The following GPT2 variants were observed in gnomAD, a reference collection of about 807,000 sequenced individuals.
GPT2 encodes the protein glutamic--pyruvic transaminase 2.
GPT2 carries 30 observed loss-of-function variants against 56.9 expected under a neutral mutation model. The observed-to-expected ratio is 0.53, with a 90% CI of 0.39 to 0.72. The LOEUF is 0.72. GPT2 is among the 30% of genes least tolerant of loss of function. GPT2 has a pLI of 0.00. For missense variants in GPT2, 542 were observed against 703.4 expected (o/e 0.77, Z 2.60); for synonymous variants, 271 against 283.1 (o/e 0.96, Z 0.43).
intron 4 of GPT2, among the ~76,000 whole-genome samples, chr16:46,904,597 G>A (rs1274385902): frequency 6.6e-6 from 1 of 152,144 alleles, no homozygotes; most frequent in Non-Finnish European, 1.5e-5. Flanking sequence ...TCCTTGGAAG[G>A]GTAGAAAGTC....
intron 7 of GPT2, among the ~76,000 whole-genome samples, chr16:46,918,374 T>TG (rs1961213828): frequency 6.6e-6 from 1 of 152,104 alleles, no homozygotes; most frequent in African/African-American, 2.4e-5. Flanking sequence ...GGGGATTGGG[T>TG]GGGGACGAGT....
intron 2 of GPT2, among the ~76,000 whole-genome samples, chr16:46,891,119 C>T (rs550795890): frequency 1.4e-4 from 21 of 152,262 alleles, no homozygotes; most frequent in African/African-American, 4.3e-4. Flanking sequence ...GTGATCCACC[C>T]GCCATGGCCT....
intron 6 of GPT2, 133 bp from the exon 7 acceptor site, chr16:46,916,495 G>A: frequency 1.4e-6 from 1 of 715,010 alleles, no homozygotes; most frequent in Admixed American, 1.9e-5. Flanking sequence ...GGGGAGGGGG[G>A]CCTCTGCGGG....
intron 11 of GPT2, 112 bp downstream of exon 11, chr16:46,927,149 C>A: frequency 3.3e-6 from 2 of 614,602 alleles, no homozygotes; most frequent in Non-Finnish European, 2.8e-6. Context: ...GAGACCCTGT[C>A]CTCTCTCGAG....
At chr16:46,927,785 C>T (rs975857108) in intron 11 of GPT2, among the ~76,000 whole-genome samples, 6 of 152,154 alleles carry the variant, frequency 3.9e-5, no homozygotes, top group South Asian at 4.2e-4. Flanking sequence ...AGGCTCATCT[C>T]GGTGGTTGAT....
intron 2 of GPT2, among the ~76,000 whole-genome samples, chr16:46,888,255 G>A (rs1043020536): frequency 1.3e-5 from 2 of 152,244 alleles, no homozygotes; most frequent in Non-Finnish European, 2.9e-5. Flanking sequence ...AAGGCACATG[G>A]CTATAGTTAG....
Position 46,906,103 on chromosome 16 carries a change from CAG to C in GPT2, c.443-738_443-737del, listed in dbSNP as rs1000687037. Among the ~76,000 whole-genome samples the C allele has an allele frequency of 3.3e-5, 5 of 151,956 alleles. No individual in the cohort carries two copies. In the South Asian group the frequency reaches 1.0e-3, roughly 32 times the overall value. ...TTTATTTTTATTTATTTTTTTGAGA[CAG>C]GGTTTCACTCCAGGCTGGAGTGCAG... On this transcript the variant is annotated intron_variant, in intron 4 of 11. Coordinates refer to ENST00000340124, the MANE Select transcript of GPT2 (RefSeq NM_133443.4).
intron 8 of GPT2, among the ~76,000 whole-genome samples, chr16:46,919,022 G>C (rs1961228278): frequency 1.3e-5 from 2 of 152,226 alleles, no homozygotes; most frequent in South Asian, 4.1e-4. Flanking sequence ...GACACCTGGT[G>C]TTTTCTCTGT....
At chr16:46,889,692 C>T (rs151236435) in intron 2 of GPT2, among the ~76,000 whole-genome samples, 122 of 152,322 alleles carry the variant, frequency 8.0e-4, no homozygotes, top group East Asian at 5.4e-3. Flanking sequence ...GTCATTCAGC[C>T]TTGGTTTACT....
intron 6 of GPT2, among the ~76,000 whole-genome samples, chr16:46,913,472 G>A (rs548035320): frequency 6.6e-6 from 1 of 152,292 alleles, no homozygotes; most frequent in South Asian, 2.1e-4. Flanking sequence ...ATAGAAGCTG[G>A]GGCCTGCCAC....
intron 2 of GPT2, among the ~76,000 whole-genome samples, chr16:46,896,564 G>A (rs560944062): frequency 1.3e-5 from 2 of 152,274 alleles, no homozygotes; most frequent in South Asian, 4.1e-4. Context: ...GATGGGGAGG[G>A]TGTCCTCAGT....
At position 46,897,645 on chromosome 16, in the gene GPT2, C is replaced by T. The variant is rs766519310; in HGVS notation, c.244-3C>T. On this transcript the variant is annotated splice_region_variant and splice_polypyrimidine_tract_variant and intron_variant, in intron 2 of 11. Coordinates refer to ENST00000340124, the MANE Select transcript of GPT2 (RefSeq NM_133443.4). ...AACCACCTGTTGCTTTCTCTCTGCC[C>T]AGGGTATCAAAAAGCCATTCACAGA... 9.9e-6 allele frequency: 16 copies of T among 1,613,646 alleles called. No individual in the cohort carries two copies. The highest frequency in any genetic ancestry group is 5.3e-5 in the African/African-American group (4 of 74,930).
intron 2 of GPT2, among the ~76,000 whole-genome samples, chr16:46,890,324 G>A (rs2143340189): frequency 6.6e-6 from 1 of 152,266 alleles, no homozygotes; most frequent in Middle Eastern, 3.4e-3. Context: ...TTTGGGATCA[G>A]GAGCCCGGGA....
intron 4 of GPT2, among the ~76,000 whole-genome samples, chr16:46,905,192 G>A (rs1960897520): frequency 6.6e-6 from 1 of 152,090 alleles, no homozygotes; most frequent in South Asian, 2.1e-4. Context: ...GAGTAGCTGG[G>A]ATTACAGGCA....
At position 46,915,347 on chromosome 16, in the gene GPT2, C is replaced by T. The variant is rs62059081; in HGVS notation, c.821-1281C>T. 2.7e-3 allele frequency: 322 copies of T among 119,744 alleles called. 1 individual carries two copies. The highest frequency in any genetic ancestry group is 4.5e-3 in the Non-Finnish European group (241 of 53,444). The allele number at this position is 119,744 out of a possible 1,614,324, so 7.4% of individuals were successfully genotyped here. On this transcript the variant is annotated intron_variant, in intron 6 of 11. Coordinates refer to ENST00000340124, the MANE Select transcript of GPT2 (RefSeq NM_133443.4). ...ACATACTACAAACACTGCACACAGA[C>T]ACCCACACATGCACATGTGTGTGCA...
At chr16:46,912,773 A>C (rs1184406835) in intron 6 of GPT2, among the ~76,000 whole-genome samples, 5 of 152,100 alleles carry the variant, frequency 3.3e-5, no homozygotes, top group African/African-American at 1.2e-4. Context: ...GATGCCGCAG[A>C]CTTTCAGGGT....
At chr16:46,901,913 C>T (rs961682174) in intron 4 of GPT2, among the ~76,000 whole-genome samples, 1 of 152,172 alleles carries the variant, frequency 6.6e-6, no homozygotes, top group Non-Finnish European at 1.5e-5. Context: ...TGGCAGAAAG[C>T]AGCCCTGCAG....
chr16:46,922,242 G>C lies in GPT2; in HGVS notation c.1038G>C (p.Glu346Asp). 1 of 1,613,472 alleles carries C rather than the reference G, an allele frequency of 6.2e-7. No homozygotes were observed. Among genetic ancestry groups the C allele is most frequent in the Non-Finnish European group, 8.5e-7 (1 of 1,179,794 alleles). The part of the protein sequence containing the change: ...FHSTSKGYMG[E>D]CGYRGGYMEV... ...CCTCTCCCTCTCTTTGGCCCTCCAGGTGTGGTTACAGAGGAGGCTACATGG... is the reference window on the plus strand; with the variant it reads ...CCTCTCCCTCTCTTTGGCCCTCCAGCTGTGGTTACAGAGGAGGCTACATGG... The change falls in exon 9 of 12, where the codon GAG (glutamate) becomes GAC (aspartate). Residue 346 changes from glutamate to aspartate, a missense_variant and splice_region_variant. Physicochemically the swap from Glu to Asp is conservative, Grantham distance 45. Transcript: ENST00000340124.
rs545064551 is a variant in GPT2 at position 46,909,721 on chromosome 16, C to A, written c.614C>A (p.Ser205Ter). 1 of 1,614,050 alleles carries A rather than the reference C, an allele frequency of 6.2e-7. No homozygotes were observed. Among genetic ancestry groups the A allele is most frequent in the Admixed American group, 1.7e-5 (1 of 59,982 alleles). Residue 205 changes from serine to a stop codon, truncating the protein, a stop_gained, in exon 6 of 12, where the codon TCA becomes TAA. Transcript: ENST00000340124. LOFTEE classifies it high-confidence loss of function. The stretch of plus-strand genomic sequence containing the variant: ...ATCCTCGTCTCCGGGGGCGGCAAGT[C>A]ACGGACAGGTGTGATGATCCCCATC... ...LKILVSGGGKSRTGVMIPIPQ... is the reference protein window; with the variant it reads ...LKILVSGGGK
Sources: gnomAD v4.1 joint callset for allele counts (sites outside exome capture counted in the v4.1 genomes callset) on GRCh38, gnomAD v4.1.1 for gene constraint, MANE v1.5 for transcripts, NCBI Gene and HGNC (gene_info 2026-07-23, HGNC 2026-07-21) for gene names.